The following BBX variants were observed in gnomAD, a reference collection of about 807,000 sequenced individuals.
BBX encodes HMG box transcription factor BBX.
A neutral mutation model predicts 100.2 loss-of-function variants in BBX; 30 were observed. That is an observed-to-expected ratio of 0.30 (90% CI 0.22 to 0.41). The LOEUF is 0.41. BBX is among the 10% of genes least tolerant of loss of function. BBX has a pLI of 1.00. For missense variants in BBX, 1,023 were observed against 1,129.8 expected, an observed-to-expected ratio of 0.91 and a Z score of 1.35; for synonymous variants, 376 against 388.1, an observed-to-expected ratio of 0.97 and a Z score of 0.37.
chr3:107,633,851 CA>C (rs1400729224), intron 2 of BBX, among the ~76,000 whole-genome samples: 10 of 152,144 alleles, frequency 6.6e-5, no homozygotes, highest in African/African-American at 2.4e-4. Context: ...TCTTCTTTTC[CA>C]GAGTAACATT....
At chr3:107,607,811 A>G (rs2054563412) in intron 2 of BBX, among the ~76,000 whole-genome samples, 1 of 151,984 alleles carries the variant, frequency 6.6e-6, no homozygotes, top group Non-Finnish European at 1.5e-5. Context: ...ATAATGAGTG[A>G]TATTGTGTAC....
intron 2 of BBX, among the ~76,000 whole-genome samples, chr3:107,539,549 C>A (rs1324514243): frequency 6.6e-6 from 1 of 152,112 alleles, no homozygotes; most frequent in Non-Finnish European, 1.5e-5. Flanking sequence ...AAACAACTCA[C>A]CCCAAATGTG....
chr3:107,709,282 A>G (rs954930131), intron 3 of BBX, among the ~76,000 whole-genome samples: 1 of 152,232 alleles, frequency 6.6e-6, no homozygotes, highest in African/African-American at 2.4e-5. Flanking sequence ...AGACCTAGGC[A>G]TGACCCAGAA....
chr3:107,640,886 T>G (rs2057156341), intron 2 of BBX, among the ~76,000 whole-genome samples: 1 of 152,162 alleles, frequency 6.6e-6, no homozygotes, highest in African/African-American at 2.4e-5. Context: ...GGTCTTGAAC[T>G]CCTGACCTCA....
chr3:107,616,173 C>CT (rs2055263503), intron 2 of BBX, among the ~76,000 whole-genome samples: 1 of 151,554 alleles, frequency 6.6e-6, no homozygotes, highest in Non-Finnish European at 1.5e-5. Flanking sequence ...ACAAAATGCT[C>CT]TGAGATTCAA....
chr3:107,802,722 A>G (rs756951324), intron 17 of BBX, among the ~76,000 whole-genome samples: 1 of 152,184 alleles, frequency 6.6e-6, no homozygotes, highest in African/African-American at 2.4e-5. Flanking sequence ...ATGGTTCCCA[A>G]TTTGCATCAG....
intron 8 of BBX, among the ~76,000 whole-genome samples, chr3:107,747,176 A>G (rs1488685165): frequency 2.0e-5 from 3 of 152,122 alleles, no homozygotes; most frequent in Non-Finnish European, 4.4e-5. Context: ...CCCTAGTTGA[A>G]TCAAGTGTAG....
intron 5 of BBX, among the ~76,000 whole-genome samples, chr3:107,727,095 C>G (rs145527736): frequency 1.4e-4 from 22 of 151,784 alleles, no homozygotes; most frequent in African/African-American, 5.1e-4. Flanking sequence ...TTAAACTACC[C>G]CCCCCAAAAA....
At chr3:107,782,773 C>A (rs1469771656) in intron 13 of BBX, among the ~76,000 whole-genome samples, 1 of 152,040 alleles carries the variant, frequency 6.6e-6, no homozygotes. Flanking sequence ...GAATACGGGT[C>A]ATCTGCCCAA....
intron 10 of BBX, among the ~76,000 whole-genome samples, chr3:107,760,159 A>G (rs2065786486): frequency 6.6e-6 from 1 of 152,240 alleles, no homozygotes. Flanking sequence ...ACAGGAACCC[A>G]GGCAGACTGT....
Position 107,566,525 on chromosome 3 carries a change from A to G in BBX, c.-84+40127A>G, listed in dbSNP as rs2050927513. Among the ~76,000 whole-genome samples, 3 of 149,926 alleles carry G rather than the reference A, an allele frequency of 2.0e-5. No homozygotes were observed. In the South Asian group the frequency reaches 6.3e-4, roughly 31 times the overall value. Reference sequence around the variant, plus strand: ...GTGAGAATTATTTATTTGAACTTCTATGAAACTGCCTCAGGACTGGTACCT... The same window carrying G: ...GTGAGAATTATTTATTTGAACTTCTGTGAAACTGCCTCAGGACTGGTACCT... On this transcript the variant is annotated intron_variant, in intron 2 of 17. Coordinates refer to ENST00000325805, the MANE Select transcript of BBX (RefSeq NM_001142568.3).
chr3:107,596,686 A>G (rs1354985107), intron 2 of BBX, among the ~76,000 whole-genome samples: 1 of 152,194 alleles, frequency 6.6e-6, no homozygotes, highest in African/African-American at 2.4e-5. Context: ...GGGAAACACT[A>G]ATAAAGGTTA....
At chr3:107,555,610 T>G (rs1431752523) in intron 2 of BBX, among the ~76,000 whole-genome samples, 3 of 152,214 alleles carry the variant, frequency 2.0e-5, no homozygotes, top group Non-Finnish European at 4.4e-5. Context: ...TACAATTATG[T>G]ATCCCTCGGT....
intron 2 of BBX, among the ~76,000 whole-genome samples, chr3:107,571,682 T>A (rs2051375643): frequency 6.6e-6 from 1 of 152,052 alleles, no homozygotes; most frequent in Non-Finnish European, 1.5e-5. Flanking sequence ...CCCGAAGGAG[T>A]CCTCCTGTCC....
At chr3:107,727,504 A>G (rs1479067328) in intron 5 of BBX, among the ~76,000 whole-genome samples, 2 of 152,148 alleles carry the variant, frequency 1.3e-5, no homozygotes, top group East Asian at 3.8e-4. Context: ...ACTGTATTCT[A>G]CAGTTTTTTA....
intron 2 of BBX, among the ~76,000 whole-genome samples, chr3:107,626,779 C>T (rs559900580): frequency 3.3e-5 from 5 of 151,954 alleles, no homozygotes; most frequent in Admixed American, 2.6e-4. Flanking sequence ...CTCAGCCTCC[C>T]GAGTAACTGG....
At chr3:107,708,761 A>G (rs1467646447) in intron 3 of BBX, among the ~76,000 whole-genome samples, 1 of 152,162 alleles carries the variant, frequency 6.6e-6, no homozygotes, top group South Asian at 2.1e-4. Flanking sequence ...TTATTGTAGC[A>G]TAATAATCTT....
chr3:107,629,883 T>A (rs547021293), intron 2 of BBX, among the ~76,000 whole-genome samples: 17 of 152,330 alleles, frequency 1.1e-4, no homozygotes, highest in Admixed American at 3.3e-4. Flanking sequence ...CCATTTTTTT[T>A]AATACACAGA....
intron 2 of BBX, among the ~76,000 whole-genome samples, chr3:107,584,311 G>T (rs2052649730): frequency 7.2e-6 from 1 of 139,042 alleles, no homozygotes; most frequent in South Asian, 2.2e-4. Context: ...AACTAACTTT[G>T]CAGTTGGTTT....
Sources: gnomAD v4.1 joint callset for allele counts (sites outside exome capture counted in the v4.1 genomes callset) on GRCh38, gnomAD v4.1.1 for gene constraint, MANE v1.5 for transcripts, NCBI Gene and HGNC (gene_info 2026-07-23, HGNC 2026-07-21) for gene names.